The following PHLPP1 variants were observed in gnomAD, a reference collection of about 807,000 sequenced individuals.
The protein encoded by PHLPP1 is PH domain and leucine rich repeat protein phosphatase 1, also known as PH domain leucine-rich repeat-containing protein phosphatase 1.
Under a neutral mutation model 117.2 loss-of-function variants are expected in PHLPP1, and 42 were observed. The observed-to-expected ratio is 0.36, with a 90% CI of 0.28 to 0.46. The LOEUF (loss-of-function observed/expected upper bound fraction) is 0.46, where lower values mean the gene tolerates loss of function less well. Among genes scored for constraint, PHLPP1 ranks in the 20% least tolerant of loss-of-function variants. The probability of loss-of-function intolerance (pLI) is 1.00; values close to 1 mark genes in which losing one functional copy is unlikely to be tolerated. For missense variants in PHLPP1, 2,084 were observed against 2,241.9 expected (o/e 0.93, Z 1.42); for synonymous variants, 1,042 against 970.7 (o/e 1.07, Z -1.37).
chr18:62,942,038 C>A (rs1037419090), intron 11 of PHLPP1, 120 bp downstream of exon 11: 2 of 729,492 alleles, frequency 2.7e-6, no homozygotes, highest in Admixed American at 2.9e-5. Flanking sequence ...TGTTCCTGCT[C>A]CCTTCACAGT....
chr18:62,844,029 T>C (rs1915115954), intron 3 of PHLPP1, among the ~76,000 whole-genome samples: 1 of 152,182 alleles, frequency 6.6e-6, no homozygotes, highest in African/African-American at 2.4e-5. Context: ...GTGACTTCTG[T>C]AACACCATAT....
intron 1 of PHLPP1, among the ~76,000 whole-genome samples, chr18:62,728,123 C>T (rs866305146): frequency 6.6e-6 from 1 of 151,750 alleles, no homozygotes; most frequent in African/African-American, 2.4e-5. Context: ...GGTGAAACCT[C>T]GTCTCTACTA....
At chr18:62,947,449 T>C (rs1910330280) in intron 12 of PHLPP1, among the ~76,000 whole-genome samples, 1 of 152,230 alleles carries the variant, frequency 6.6e-6, no homozygotes, top group African/African-American at 2.4e-5. Context: ...TTATTTGCCG[T>C]TCAGCACAGG....
intron 12 of PHLPP1, among the ~76,000 whole-genome samples, chr18:62,957,245 G>GCAGCC (rs1412920244): frequency 6.6e-6 from 1 of 152,162 alleles, no homozygotes; most frequent in African/African-American, 2.4e-5. Context: ...GAACACAAGG[G>GCAGCC]CAGCCCCTCT....
chr18:62,815,008 C>T (rs1914224666), intron 1 of PHLPP1, among the ~76,000 whole-genome samples: 1 of 152,170 alleles, frequency 6.6e-6, no homozygotes, highest in African/African-American at 2.4e-5. Context: ...AAACACCAGA[C>T]ATTTATCTCT....
chr18:62,726,114 A>G (rs1911061874), intron 1 of PHLPP1, among the ~76,000 whole-genome samples: 1 of 151,694 alleles, frequency 6.6e-6, no homozygotes. Context: ...ATGTATGTGT[A>G]TATACACACA....
chr18:62,869,636 G>A (rs528194923), intron 4 of PHLPP1, among the ~76,000 whole-genome samples: 46 of 152,226 alleles, frequency 3.0e-4, no homozygotes, highest in Admixed American at 2.7e-3. Context: ...TTTTAAAAAA[G>A]CAAAACAAAG....
At chr18:62,800,894 T>G (rs867218954) in intron 1 of PHLPP1, among the ~76,000 whole-genome samples, 4 of 152,104 alleles carry the variant, frequency 2.6e-5, no homozygotes, top group African/African-American at 9.7e-5. Context: ...GGAGGAGACA[T>G]AGAGAGAAGT....
chr18:62,765,990 G>C (rs751618815), intron 1 of PHLPP1, among the ~76,000 whole-genome samples: 1 of 143,620 alleles, frequency 7.0e-6, no homozygotes, highest in South Asian at 2.2e-4. Flanking sequence ...AGAGCGAGAA[G>C]GGGGAGCTTG....
intron 1 of PHLPP1, among the ~76,000 whole-genome samples, chr18:62,773,132 C>T (rs1362868661): frequency 6.6e-6 from 1 of 152,156 alleles, no homozygotes; most frequent in African/African-American, 2.4e-5. Context: ...CCCTAGGCTG[C>T]TGGAGTTTTG....
intron 1 of PHLPP1, among the ~76,000 whole-genome samples, chr18:62,727,462 A>T (rs913607549): frequency 2.0e-5 from 3 of 151,666 alleles, no homozygotes; most frequent in Non-Finnish European, 2.9e-5. Context: ...ATAATAATAA[A>T]AAAAATTAGA....
At chr18:62,862,411 T>C (rs1915655842) in intron 4 of PHLPP1, among the ~76,000 whole-genome samples, 1 of 152,176 alleles carries the variant, frequency 6.6e-6, no homozygotes, top group African/African-American at 2.4e-5. Flanking sequence ...CAGTAAAGTC[T>C]TTTAAGTATT....
intron 13 of PHLPP1, among the ~76,000 whole-genome samples, chr18:62,961,430 A>G (rs759610597): frequency 4.9e-4 from 75 of 152,166 alleles, no homozygotes; most frequent in Non-Finnish European, 9.3e-4. Flanking sequence ...TGCTGGGGAG[A>G]GGGGGCAGTT....
In PHLPP1 at chr18:62,716,814, A is replaced by T; in HGVS notation, c.1131A>T (p.Glu377Asp). ...GCGGCGGCTCCTCGTCGTCGTCGGA[A>T]GAGCTCGAGGCCGACGCAGCCTCGG... is the stretch of plus-strand genomic sequence containing the variant. ...SSGGGSSSSSEELEADAASAP... is the reference protein window; with the variant it reads ...SSGGGSSSSSDELEADAASAP... The change falls in exon 1 of 17, where the codon GAA (glutamate) becomes GAT (aspartate). Residue 377 changes from glutamate (E) to aspartate (D), a missense_variant. By Grantham distance (45) the Glu-to-Asp change is conservative (BLOSUM62 2). Coordinates refer to ENST00000262719, the MANE Select transcript of PHLPP1 (RefSeq NM_194449.4). The surrounding 1 kb of genome is among the most constrained non-coding windows in gnomAD (Gnocchi z 5.7). 6.6e-7 allele frequency: 1 copy of T among 1,526,646 alleles called. No individual in the cohort carries two copies. The highest frequency in any genetic ancestry group is 8.8e-7 in the Non-Finnish European group (1 of 1,142,638). 94.6% of individuals were successfully genotyped at this position (1,526,646 alleles called of 1,614,324 possible). A position where few individuals can be genotyped will look rare whatever the true frequency, so the allele number is the denominator to read the frequency against.
rs540040688 is a variant in PHLPP1, at chr18:62,899,508, C to G, written c.2445-3456C>G. ...AGATGATTTGCTTCCTTTTCCATAG[C>G]CTCTTTTTTAAAAAACCATTCTCTA... On this transcript the variant is annotated intron_variant, in intron 6 of 16. Coordinates refer to ENST00000262719, the MANE Select transcript of PHLPP1 (RefSeq NM_194449.4). 9.7e-5 allele frequency among the ~76,000 whole-genome samples: 14 copies of G among 143,868 alleles called. 1 individual carries two copies. In the South Asian group the frequency reaches 2.5e-3, roughly 26 times the overall value. The allele number at this position is 143,868 out of a possible 152,430, so 94.4% of individuals were successfully genotyped here. A position where few individuals can be genotyped will look rare whatever the true frequency, so the allele number is the denominator to read the frequency against.
At position 62,890,361 on chromosome 18, in the gene PHLPP1, G is replaced by C. The variant is rs1916376831; in HGVS notation, c.2067-4650G>C. Among the ~76,000 whole-genome samples the C allele has an allele frequency of 1.3e-5, 2 of 151,918 alleles. 1 individual carries two copies. The highest frequency in any genetic ancestry group is 4.2e-4 in the South Asian group (2 of 4,802). On this transcript the variant is annotated intron_variant, in intron 4 of 16. Coordinates refer to ENST00000262719, the MANE Select transcript of PHLPP1 (RefSeq NM_194449.4). The stretch of plus-strand genomic sequence containing the variant: ...GGCTCACTGTAACCTCTGTCTCCCT[G>C]GTTCAAGTGATTCTCCTGCCTCAGC...
intron 1 of PHLPP1, among the ~76,000 whole-genome samples, chr18:62,734,135 C>CT (rs1911301705): frequency 6.6e-6 from 1 of 151,934 alleles, no homozygotes; most frequent in Non-Finnish European, 1.5e-5. Flanking sequence ...TTTTTAAGGC[C>CT]TATGAGGTTT....
chr18:62,960,393 T>C (rs1910733690), intron 13 of PHLPP1, among the ~76,000 whole-genome samples: 1 of 152,234 alleles, frequency 6.6e-6, no homozygotes, highest in South Asian at 2.1e-4. Context: ...ATGTCGTATA[T>C]GTTTACACGT....
intron 1 of PHLPP1, among the ~76,000 whole-genome samples, chr18:62,786,281 C>G (rs535643251): frequency 5.9e-5 from 9 of 152,326 alleles, no homozygotes; most frequent in African/African-American, 1.7e-4. Flanking sequence ...ACGGATGAGT[C>G]TGATGCTTCC....
Sources: gnomAD v4.1 joint callset for allele counts (sites outside exome capture counted in the v4.1 genomes callset) on GRCh38, gnomAD v4.1.1 for gene constraint, Gnocchi (gnomAD v3.1) non-coding constraint, MANE v1.5 for transcripts, NCBI Gene and HGNC (gene_info 2026-07-23, HGNC 2026-07-21) for gene names.